The following MLIP variants were observed in gnomAD, a reference collection of about 807,000 sequenced individuals.
MLIP encodes the protein muscular LMNA-interacting protein.
MLIP carries 79 observed loss-of-function variants against 84.8 expected under a neutral mutation model. The observed-to-expected ratio is 0.93, with a 90% CI of 0.78 to 1.12. The LOEUF is 1.12. Among genes scored for constraint, MLIP ranks in the 50% most tolerant of loss-of-function variants. The pLI is 0.00. For missense variants in MLIP, 1,257 were observed against 1,160.6 expected (o/e 1.08, Z -1.21); for synonymous variants, 504 against 463.0 (o/e 1.09, Z -1.14).
At chr6:54,227,699 C>G (rs1302774484) in intron 11 of MLIP, among the ~76,000 whole-genome samples, 1 of 152,126 alleles carries the variant, frequency 6.6e-6, no homozygotes, top group Non-Finnish European at 1.5e-5. Flanking sequence ...TTTCAAAATT[C>G]TGAAAGAAAT....
At chr6:54,158,841 T>C (rs1774317629) in intron 5 of MLIP, among the ~76,000 whole-genome samples, 1 of 151,712 alleles carries the variant, frequency 6.6e-6, no homozygotes, top group Admixed American at 6.6e-5. Flanking sequence ...GATTTTTGAA[T>C]TGTTACACTC....
intron 5 of MLIP, among the ~76,000 whole-genome samples, chr6:54,150,666 A>T (rs1773348097): frequency 1.3e-5 from 2 of 152,206 alleles, no homozygotes; most frequent in Admixed American, 1.3e-4. Context: ...GCTACTATGT[A>T]AATTTCCTAT....
intron 4 of MLIP, among the ~76,000 whole-genome samples, chr6:54,142,191 G>A (rs1279381024): frequency 6.6e-6 from 1 of 152,194 alleles, no homozygotes; most frequent in Non-Finnish European, 1.5e-5. Context: ...TACCTAATAG[G>A]TGTGCTTTTC....
chr6:54,251,722 A>G (rs111209766), intron 12 of MLIP, among the ~76,000 whole-genome samples: 2,037 of 105,600 alleles, frequency 0.019, 121 homozygotes, highest in African/African-American at 0.08. Context: ...TATATATTAT[A>G]ACATATGATA....
chr6:54,142,299 C>G (rs1169183653), intron 4 of MLIP, among the ~76,000 whole-genome samples: 1 of 152,094 alleles, frequency 6.6e-6, no homozygotes, highest in South Asian at 2.1e-4. Flanking sequence ...AATAATAACC[C>G]CTCCAAATAA....
intron 1 of MLIP, 137 bp downstream of exon 1, chr6:54,111,712 T>C: frequency 1.1e-6 from 1 of 907,428 alleles, no homozygotes; most frequent in Non-Finnish European, 1.6e-6. Context: ...TGAAATGCTA[T>C]CTTCACTTAG....
chr6:54,191,095 A>G (rs1777880590), intron 10 of MLIP, among the ~76,000 whole-genome samples: 2 of 152,026 alleles, frequency 1.3e-5, no homozygotes, highest in Non-Finnish European at 1.5e-5. Context: ...GCGCCCGGCC[A>G]AAGATTTTCT....
Position 54,143,406 on chromosome 6 carries a change from AC to A in MLIP, c.2217+5121del, listed in dbSNP as rs1380038107. ...TTTTTAGTAGAGACGGGGTTTCACC[AC>A]ATTGGCCAGGCTGGTCTTGAACTCC... On this transcript the variant is annotated intron_variant, in intron 4 of 13. Transcript: ENST00000502396. Among the ~76,000 whole-genome samples the A allele has an allele frequency of 2.0e-5, 3 of 152,082 alleles. No homozygotes were observed. In the East Asian group the frequency reaches 5.8e-4, roughly 29 times the overall value.
In MLIP at chr6:54,027,294, G is replaced by T. The variant is rs572997342; in HGVS notation, c.63+8203G>T. Among the ~76,000 whole-genome samples, 34 of 151,532 alleles carry T rather than the reference G, an allele frequency of 2.2e-4. 1 individual carries two copies. Among genetic ancestry groups the T allele is most frequent in the Middle Eastern group, 6.8e-3 (2 of 292 alleles). Reference sequence around the variant, plus strand: ...AGTGCCTTAATGTTTGTATTGAAATGCCCAAAATAAAGCATTATATTTTCT... The same window carrying T: ...AGTGCCTTAATGTTTGTATTGAAATTCCCAAAATAAAGCATTATATTTTCT... On this transcript the variant is annotated intron_variant, in intron 1 of 12. Coordinates refer to the MLIP transcript ENST00000274897.
intron 1 of MLIP, among the ~76,000 whole-genome samples, chr6:54,114,778 C>T (rs1314981061): frequency 6.6e-6 from 1 of 152,130 alleles, no homozygotes; most frequent in Non-Finnish European, 1.5e-5. Context: ...TAGTGCCTAG[C>T]ATTTAGTAGG....
Position 54,239,671 on chromosome 6 carries a change from C to A in MLIP, c.2922+8754C>A, listed in dbSNP as rs181881791. ...GCATGGTGACACATGCCTGTAGTCC[C>A]AGCTACTAGGGAGGCTGAGGCAGGA... On this transcript the variant is annotated intron_variant, in intron 12 of 13. Transcript: ENST00000502396. Among the ~76,000 whole-genome samples the A allele has an allele frequency of 1.8e-3, 278 of 151,418 alleles. 1 individual carries two copies. The highest frequency in any genetic ancestry group is 0.017 in the Admixed American group (256 of 15,204).
At chr6:54,135,973 T>C (rs992280048) in intron 3 of MLIP, among the ~76,000 whole-genome samples, 3 of 152,198 alleles carry the variant, frequency 2.0e-5, no homozygotes, top group Non-Finnish European at 4.4e-5. Flanking sequence ...AGGTGGATTG[T>C]ATTTGTAAAG....
chr6:54,138,033 C>T lies in MLIP; in HGVS notation c.1964C>T (p.Pro655Leu). The T allele has an allele frequency of 1.3e-6, 2 of 1,536,120 alleles. No individual in the cohort carries two copies. The highest frequency in any genetic ancestry group is 8.7e-7 in the Non-Finnish European group (1 of 1,146,896). Residue 655 changes from proline (P) to leucine (L), a missense_variant, in exon 4 of 14, where the codon CCC (proline) becomes CTC (leucine). Pro to Leu is a moderately conservative substitution (Grantham distance 98, BLOSUM62 -3). Coordinates refer to ENST00000502396, the MANE Select transcript of MLIP (RefSeq NM_001281747.2). The part of the protein sequence containing the change: ...PVSSADFASL[P>L]NLRSSSLPHA... ...TCCAGTGCTGACTTTGCCTCTCTTC[C>T]CAACTTGAGGTCCTCCTCTCTCCCT...
chr6:54,179,602 T>C (rs1165433053), intron 9 of MLIP, among the ~76,000 whole-genome samples: 1 of 152,154 alleles, frequency 6.6e-6, no homozygotes, highest in Non-Finnish European at 1.5e-5. Context: ...ACCATGAGGC[T>C]TGTAAATACT....
At chr6:54,115,645 G>A (rs2150416228) in intron 1 of MLIP, among the ~76,000 whole-genome samples, 1 of 152,286 alleles carries the variant, frequency 6.6e-6, no homozygotes, top group Middle Eastern at 3.4e-3. Flanking sequence ...GCGTGGCATT[G>A]AACCAGAAAC....
At chr6:54,208,681 A>C (rs1033387943) in intron 11 of MLIP, among the ~76,000 whole-genome samples, 2 of 152,330 alleles carry the variant, frequency 1.3e-5, no homozygotes, top group East Asian at 3.9e-4. Context: ...TCAAATTTTG[A>C]GACAAGATTA....
chr6:54,215,676 T>C (rs909201354), intron 11 of MLIP: 1 of 154,322 alleles, frequency 6.5e-6, no homozygotes, highest in Non-Finnish European at 1.4e-5. Context: ...AGTAAAATAT[T>C]ATTAACTGTA....
chr6:54,241,292 T>A (rs1203884128), intron 12 of MLIP, among the ~76,000 whole-genome samples: 1 of 151,610 alleles, frequency 6.6e-6, no homozygotes, highest in African/African-American at 2.4e-5. Context: ...ATTAAATATA[T>A]ATGGAGAGAG....
Position 54,202,225 on chromosome 6 carries a change from T to G in MLIP, c.2710T>G (p.Ser904Ala), listed in dbSNP as rs1778735779. The G allele has an allele frequency of 1.3e-6, 2 of 1,569,306 alleles. No homozygotes were observed. Among genetic ancestry groups the G allele is most frequent in the Admixed American group, 3.6e-5 (2 of 55,406 alleles). ...KYLEDNSDLF[S>A]EQDVTVPPKP... Reference sequence around the variant, plus strand: ...CTTGGAAGATAACAGCGACCTCTTTTCTGAACAGGTGAGCACATACAAGAG... The same window carrying G: ...CTTGGAAGATAACAGCGACCTCTTTGCTGAACAGGTGAGCACATACAAGAG... Residue 904 changes from serine (S) to alanine (A), a missense_variant, in exon 11 of 14, where the codon TCT (serine) becomes GCT (alanine). By Grantham distance (99) the Ser-to-Ala change is moderately conservative (BLOSUM62 1). Transcript: ENST00000502396.
Sources: allele counts gnomAD v4.1 joint callset (sites outside exome capture counted in the v4.1 genomes callset), GRCh38; gene constraint gnomAD v4.1.1; transcripts MANE v1.5; gene names NCBI Gene and HGNC (gene_info 2026-07-23, HGNC 2026-07-21).